CLIP4: variants seen among roughly 807,000 people sequenced by gnomAD.
CLIP4 encodes CAP-Gly domain containing linker protein family member 4, also known as CAP-Gly domain-containing linker protein 4.
Under a neutral mutation model 73.1 loss-of-function variants are expected in CLIP4, and 47 were observed. That is an observed-to-expected ratio of 0.64 (90% CI 0.51 to 0.82). CLIP4 has a LOEUF of 0.82. Ranked by LOEUF, CLIP4 falls within the 40% of genes least tolerant of loss-of-function variation. The probability of loss-of-function intolerance (pLI) is 0.00; values close to 1 mark genes in which losing one functional copy is unlikely to be tolerated. For missense variants in CLIP4, 874 were observed against 852.9 expected (o/e 1.02, Z -0.31); for synonymous variants, 306 against 295.4 (o/e 1.04, Z -0.37).
intron 8 of CLIP4, among the ~76,000 whole-genome samples, chr2:29,148,517 T>G (rs1666326086): frequency 6.6e-6 from 1 of 152,216 alleles, no homozygotes; most frequent in South Asian, 2.1e-4. Flanking sequence ...ATACTTAGTT[T>G]ACTCAAGTCA....
chr2:29,150,351 A>G (rs544463443), intron 8 of CLIP4, among the ~76,000 whole-genome samples: 1 of 152,202 alleles, frequency 6.6e-6, no homozygotes, highest in Non-Finnish European at 1.5e-5. Flanking sequence ...GGGTTTACTA[A>G]TACTGAAAAG....
At chr2:29,134,051 A>G (rs1665174283) in intron 5 of CLIP4, among the ~76,000 whole-genome samples, 1 of 152,082 alleles carries the variant, frequency 6.6e-6, no homozygotes, top group Non-Finnish European at 1.5e-5. Context: ...CTGGGTTTTC[A>G]TATCTCTATA....
chr2:29,140,990 C>T (rs939184310), intron 6 of CLIP4, among the ~76,000 whole-genome samples: 3 of 152,122 alleles, frequency 2.0e-5, no homozygotes, highest in African/African-American at 7.2e-5. Context: ...CTTAACACTG[C>T]TTTTGCTACA....
chr2:29,101,287 C>T (rs1197743736), intron 1 of CLIP4, among the ~76,000 whole-genome samples: 24 of 127,574 alleles, frequency 1.9e-4, no homozygotes, highest in African/African-American at 4.8e-4. Context: ...TTTTTTTTTT[C>T]CCCCCCCCAA....
intron 2 of CLIP4, among the ~76,000 whole-genome samples, chr2:29,127,174 A>G (rs1297305271): frequency 1.3e-5 from 2 of 152,116 alleles, no homozygotes; most frequent in African/African-American, 2.4e-5. Context: ...GTTTGATAAT[A>G]TCTAAGGGGC....
chr2:29,121,167 A>T (rs951460719), intron 1 of CLIP4, among the ~76,000 whole-genome samples: 1 of 152,164 alleles, frequency 6.6e-6, no homozygotes, highest in African/African-American at 2.4e-5. Flanking sequence ...TACATGTGCT[A>T]CCGACTGGTA....
Position 29,098,995 on chromosome 2 carries a change from A to C in CLIP4, c.-16+1048A>C, listed in dbSNP as rs552001183. ...GCATCTTTTCACATGCTTATTTGCTATTTGTATATCTTCTTTGGTGAGGTG... is the reference window on the plus strand; with the variant it reads ...GCATCTTTTCACATGCTTATTTGCTCTTTGTATATCTTCTTTGGTGAGGTG... On this transcript the variant is annotated intron_variant, in intron 1 of 14. Transcript: ENST00000401605. Among the ~76,000 whole-genome samples, 109 of 152,296 alleles carry C rather than the reference A, an allele frequency of 7.2e-4. No homozygotes were observed. The Middle Eastern group carries it at 0.01, about 14-fold the overall frequency.
exon 1 of CLIP4, chr2:29,097,899 T>G (rs1274990158): frequency 4.6e-5 from 7 of 152,222 alleles, no homozygotes; most frequent in Non-Finnish European, 1.0e-4. Flanking sequence ...CATGAGGGAC[T>G]GAAAATTCTT....
chr2:29,147,993 A>G (rs1163543147), intron 8 of CLIP4, among the ~76,000 whole-genome samples: 1 of 152,184 alleles, frequency 6.6e-6, no homozygotes, highest in Non-Finnish European at 1.5e-5. Flanking sequence ...GGTAAATCAG[A>G]ATTATGGAAT....
intron 13 of CLIP4, 60 bp downstream of exon 13, chr2:29,164,014 A>G: frequency 4.4e-6 from 6 of 1,377,232 alleles, no homozygotes; most frequent in Non-Finnish European, 6.1e-6. Flanking sequence ...AGTGGTTAAT[A>G]GAGACACTAA....
In CLIP4 at chr2:29,157,535, A is replaced by C. The variant is rs146678089; in HGVS notation, c.1399+188A>C. The C allele has an allele frequency of 1.6e-3, 1,219 of 773,348 alleles. 9 individuals are homozygous for C. The highest frequency in any genetic ancestry group is 1.9e-4 in the Non-Finnish European group (93 of 485,940). The allele number at this position is 773,348 out of a possible 1,614,324, so 47.9% of individuals were successfully genotyped here. ...TCTTTGTTTTGCCGTCTCAGATATA[A>C]GACTTTGCATTTATTTTCATGTAAT... On this transcript the variant is annotated intron_variant, in intron 11 of 15. Coordinates refer to ENST00000320081, the MANE Select transcript of CLIP4 (RefSeq NM_024692.6).
At chr2:29,181,540 A>T (rs754016323) in intron 15 of CLIP4, 32 bp from the exon 16 acceptor site, 2 of 1,524,684 alleles carry the variant, frequency 1.3e-6, no homozygotes, top group Non-Finnish European at 1.8e-6. Flanking sequence ...TTCAGCACTA[A>T]ATAATTTTTC....
At chr2:29,138,963 C>T (rs1474029672) in intron 6 of CLIP4, among the ~76,000 whole-genome samples, 1 of 151,998 alleles carries the variant, frequency 6.6e-6, no homozygotes, top group African/African-American at 2.4e-5. Flanking sequence ...GTAATTTGAC[C>T]TCCTCTTTTC....
intron 2 of CLIP4, among the ~76,000 whole-genome samples, chr2:29,121,993 A>G (rs1451995044): frequency 1.3e-5 from 2 of 152,158 alleles, no homozygotes; most frequent in African/African-American, 4.8e-5. Context: ...CTTCTCATCT[A>G]TTTAGGCTTA....
rs1663741476 is a variant in CLIP4 at position 29,115,667 on chromosome 2, T to G, written c.-16+2T>G. On this transcript the variant is annotated splice_donor_variant, in intron 1 of 15. Transcript: ENST00000320081. LOFTEE classifies it low-confidence loss of function (5UTR_SPLICE). This position sits in a 1 kb window ranked among gnomAD's most constrained non-coding sequence, Gnocchi z 5.1. Reference sequence around the variant, plus strand: ...TCCGAGAGGACCCGGAGGAGGCAGGTGGGCCGGGGGCGCGCGGGGCCCCCC... The same window carrying G: ...TCCGAGAGGACCCGGAGGAGGCAGGGGGGCCGGGGGCGCGCGGGGCCCCCC... The G allele has an allele frequency of 6.9e-6, 1 of 145,034 alleles. No individual in the cohort carries two copies. Among genetic ancestry groups the G allele is most frequent in the Non-Finnish European group, 1.5e-5 (1 of 65,488 alleles). 9.0% of individuals were successfully genotyped at this position (145,034 alleles called of 1,614,324 possible).
chr2:29,155,055 A>G (rs1666828722), intron 9 of CLIP4, among the ~76,000 whole-genome samples: 1 of 152,226 alleles, frequency 6.6e-6, no homozygotes, highest in South Asian at 2.1e-4. Context: ...AAGGAAAAAG[A>G]CAGTCCAAGC....
At chr2:29,100,115 G>C (rs1029928188) in intron 1 of CLIP4, among the ~76,000 whole-genome samples, 5 of 151,780 alleles carry the variant, frequency 3.3e-5, no homozygotes, top group African/African-American at 1.2e-4. Context: ...TTTTTGTAGA[G>C]ACAGGGTTTT....
At chr2:29,107,410 C>T (rs894660675) in intron 1 of CLIP4, among the ~76,000 whole-genome samples, 5 of 108,448 alleles carry the variant, frequency 4.6e-5, no homozygotes, top group South Asian at 3.3e-4. Context: ...CTCACTCTGT[C>T]GCCCAGGCTG....
chr2:29,132,304 CTATATT>C lies in CLIP4; in HGVS notation c.367+63_367+68del, dbSNP rs1665031171. On this transcript the variant is annotated intron_variant, in intron 4 of 15. Transcript: ENST00000320081. ...TCATCTGCACTTGTGCTTAGATAAT[CTATATT>C]TATGCCCATATATTGTCTGGGGGAA... 3.7e-6 allele frequency: 5 copies of C among 1,343,298 alleles called. No individual in the cohort carries two copies. The Admixed American group carries it at 6.8e-5, about 18-fold the overall frequency. 83.2% of individuals were successfully genotyped at this position (1,343,298 alleles called of 1,614,324 possible).
Sources: allele counts gnomAD v4.1 joint callset (sites outside exome capture counted in the v4.1 genomes callset), GRCh38; gene constraint gnomAD v4.1.1; non-coding constraint Gnocchi (gnomAD v3.1); transcripts MANE v1.5; gene names NCBI Gene and HGNC (gene_info 2026-07-23, HGNC 2026-07-21).